The following CDK13 variants were observed in gnomAD, a reference collection of about 807,000 sequenced individuals.
The protein encoded by CDK13 is cyclin dependent kinase 13, also known as cyclin-dependent kinase 13.
Under a neutral mutation model 137.6 loss-of-function variants are expected in CDK13, and 40 were observed. That is an observed-to-expected ratio of 0.29 (90% CI 0.23 to 0.38). CDK13 has a LOEUF of 0.38. Among genes scored for constraint, CDK13 ranks in the 10% least tolerant of loss-of-function variants. The probability of loss-of-function intolerance (pLI) is 1.00; values close to 1 mark genes in which losing one functional copy is unlikely to be tolerated. For synonymous variants in CDK13, 869 were observed against 760.1 expected, an observed-to-expected ratio of 1.14 and a Z score of -2.36; for missense variants, 1,704 against 1,951.8, an observed-to-expected ratio of 0.87 and a Z score of 2.39.
rs927741062 is a variant in CDK13 at position 40,014,058 on chromosome 7, C to CTTTTTTTT, written c.2353+12047_2353+12054dup. Among the ~76,000 whole-genome samples, 19 of 60,946 alleles carry CTTTTTTTT rather than the reference C, an allele frequency of 3.1e-4. 2 individuals are homozygous for CTTTTTTTT. Among genetic ancestry groups the CTTTTTTTT allele is most frequent in the African/African-American group, 1.3e-3 (17 of 13,412 alleles). 40.0% of individuals were successfully genotyped at this position (60,946 alleles called of 152,430 possible). A position where few individuals can be genotyped will look rare whatever the true frequency, so the allele number is the denominator to read the frequency against. The stretch of plus-strand genomic sequence containing the variant: ...TGATAGGCAAAAAATGCTGTCTTGT[C>CTTTTTTTT]TTTTTTTTTTTTTTTTTTTTTTTTT... On this transcript the variant is annotated intron_variant, in intron 5 of 13. Coordinates refer to ENST00000181839, the MANE Select transcript of CDK13 (RefSeq NM_003718.5).
At chr7:39,969,943 C>G (rs1783959934) in intron 1 of CDK13, among the ~76,000 whole-genome samples, 1 of 151,982 alleles carries the variant, frequency 6.6e-6, no homozygotes, top group Non-Finnish European at 1.5e-5. Context: ...GGCTCACTTT[C>G]CCTAACAGTA....
At chr7:40,093,687 C>T (rs1191053112) in intron 13 of CDK13, among the ~76,000 whole-genome samples, 1 of 152,084 alleles carries the variant, frequency 6.6e-6, no homozygotes, top group Non-Finnish European at 1.5e-5. Flanking sequence ...GGAAGATTGC[C>T]TGAACCCAGG....
rs1785716216 is a variant in CDK13 at position 40,045,519 on chromosome 7, GA to G, written c.2354-316del. On this transcript the variant is annotated intron_variant, in intron 5 of 13. Transcript: ENST00000181839. ...TATATTGACTTTATTCAGCTTCTAA[GA>G]GACAATTTGACGTCTAAAACATTAA... 3.4e-5 allele frequency among the ~76,000 whole-genome samples: 5 copies of G among 147,624 alleles called. No homozygotes were observed. The South Asian group carries it at 1.1e-3, about 32-fold the overall frequency.
At chr7:40,073,172 AT>A (rs1786460358) in intron 9 of CDK13, 1 of 152,204 alleles carries the variant, frequency 6.6e-6, no homozygotes, top group African/African-American at 2.4e-5. Flanking sequence ...TCATTTTAAC[AT>A]TGTTTAGTAA....
chr7:40,007,058 T>G (rs1784808855), intron 5 of CDK13, among the ~76,000 whole-genome samples: 1 of 152,188 alleles, frequency 6.6e-6, no homozygotes, highest in African/African-American at 2.4e-5. Context: ...AACTGTAAAT[T>G]TCACATAAAA....
chr7:40,092,005 GA>G (rs1786935419), intron 12 of CDK13, among the ~76,000 whole-genome samples: 2 of 151,832 alleles, frequency 1.3e-5, no homozygotes, highest in Admixed American at 1.3e-4. Flanking sequence ...CTGAAAGTTG[GA>G]AAAACAACTG....
At chr7:40,068,707 GAAAAAAA>G (rs1158145409) in intron 9 of CDK13, among the ~76,000 whole-genome samples, 741 of 47,070 alleles carry the variant, frequency 0.016, 2 homozygotes, top group African/African-American at 0.05. Context: ...CTATGTCTCA[GAAAAAAA>G]AAAAAAAAAA....
chr7:39,974,769 G>A (rs1045902639), intron 1 of CDK13, among the ~76,000 whole-genome samples: 2 of 151,956 alleles, frequency 1.3e-5, no homozygotes, highest in Admixed American at 1.3e-4. Flanking sequence ...TTGCCATGTT[G>A]GTCAGGCTGG....
intron 9 of CDK13, chr7:40,072,697 G>A (rs187903314): frequency 2.0e-5 from 3 of 152,328 alleles, no homozygotes; most frequent in Non-Finnish European, 4.4e-5. Flanking sequence ...AACTGTTGCT[G>A]TATATCAGTC....
intron 5 of CDK13, among the ~76,000 whole-genome samples, chr7:40,043,186 T>C (rs977182322): frequency 6.6e-6 from 1 of 152,256 alleles, no homozygotes; most frequent in Non-Finnish European, 1.5e-5. Flanking sequence ...TTCTTTGATG[T>C]AACTGTCCAC....
intron 9 of CDK13, among the ~76,000 whole-genome samples, chr7:40,074,895 G>GATAA (rs554726987): frequency 6.6e-6 from 1 of 151,112 alleles, no homozygotes; most frequent in African/African-American, 2.4e-5. Context: ...ACTGAAAATA[G>GATAA]ATAAATAAAT....
At chr7:40,024,317 T>A (rs1402820407) in intron 5 of CDK13, among the ~76,000 whole-genome samples, 2 of 152,214 alleles carry the variant, frequency 1.3e-5, no homozygotes, top group African/African-American at 2.4e-5. Flanking sequence ...GTACACTACT[T>A]CTTTTTGTTG....
At chr7:39,993,009 G>A (rs972522551) in intron 2 of CDK13, among the ~76,000 whole-genome samples, 13 of 152,140 alleles carry the variant, frequency 8.5e-5, no homozygotes, top group African/African-American at 2.9e-4. Context: ...ATATGAGGGT[G>A]CATTTTCCTC....
intron 5 of CDK13, among the ~76,000 whole-genome samples, chr7:40,032,514 T>G (rs1337974380): frequency 6.6e-6 from 1 of 152,252 alleles, no homozygotes; most frequent in East Asian, 1.9e-4. Context: ...AAATTTAGTT[T>G]TGCAGTTTAC....
chr7:39,987,868 C>A lies in CDK13; in HGVS notation c.1481C>A (p.Thr494Lys), dbSNP rs761098344. Residue 494 changes from threonine (T) to lysine (K), a missense_variant, in exon 2 of 14, where the codon ACA becomes AAA. Around this residue, in one of 5 missense-constraint regions of CDK13, gnomAD observed 1,051 missense variants for 931.0 expected, o/e 1.13. Transcript: ENST00000181839. ...GCTGCAAAAGCTTCAAACACTTCTA[C>A]ACCTACCAAGGGGAACACGGAAACT... is the stretch of plus-strand genomic sequence containing the variant. ...AKAAKASNTS[T>K]PTKGNTETSA... 1 of 1,614,126 alleles carries A rather than the reference C, an allele frequency of 6.2e-7. No individual in the cohort carries two copies. Among genetic ancestry groups the A allele is most frequent in the South Asian group, 1.1e-5 (1 of 91,094 alleles).
intron 5 of CDK13, among the ~76,000 whole-genome samples, chr7:40,035,032 G>A (rs2150507392): frequency 6.6e-6 from 1 of 152,210 alleles, no homozygotes; most frequent in African/African-American, 2.4e-5. Flanking sequence ...GAAAATTGCA[G>A]CATAAGAGAA....
intron 5 of CDK13, among the ~76,000 whole-genome samples, chr7:40,017,105 ATATTTT>A (rs1385265895): frequency 1.3e-5 from 2 of 152,122 alleles, no homozygotes; most frequent in Non-Finnish European, 2.9e-5. Flanking sequence ...TGCAAAATAG[ATATTTT>A]TATATGCCAT....
chr7:40,008,131 G>T (rs1435393314), intron 5 of CDK13, among the ~76,000 whole-genome samples: 1 of 152,142 alleles, frequency 6.6e-6, no homozygotes, highest in Non-Finnish European at 1.5e-5. Flanking sequence ...ACATTGATTT[G>T]TTCATTCTTT....
At chr7:40,017,731 T>C (rs1346923658) in intron 5 of CDK13, among the ~76,000 whole-genome samples, 1 of 151,986 alleles carries the variant, frequency 6.6e-6, no homozygotes, top group African/African-American at 2.4e-5. Flanking sequence ...TCTGTCTGTT[T>C]GGTGGCTTTT....
Sources: gnomAD v4.1 joint callset for allele counts (sites outside exome capture counted in the v4.1 genomes callset) on GRCh38, gnomAD v4.1.1 for gene constraint, gnomAD v4.1.1 regional missense constraint, MANE v1.5 for transcripts, NCBI Gene and HGNC (gene_info 2026-07-23, HGNC 2026-07-21) for gene names.